TSGA10: variants seen among roughly 807,000 people sequenced by gnomAD.
The protein encoded by TSGA10 is testis-specific gene 10 protein.
Under a neutral mutation model 96.6 loss-of-function variants are expected in TSGA10, and 43 were observed. The observed-to-expected ratio is 0.44, with a 90% CI of 0.35 to 0.57. The LOEUF is 0.57. Among genes scored for constraint, TSGA10 ranks in the 20% least tolerant of loss-of-function variants. The probability of loss-of-function intolerance (pLI) is 0.01; values close to 1 mark genes in which losing one functional copy is unlikely to be tolerated. For missense variants in TSGA10, 703 were observed against 834.4 expected (o/e 0.84, Z 1.94); for synonymous variants, 229 against 269.9 (o/e 0.85, Z 1.48).
chr2:99,141,601 GT>G (rs2105110115), intron 1 of TSGA10: 1 of 153,188 alleles, frequency 6.5e-6, no homozygotes, highest in East Asian at 1.9e-4. Context: ...CGAGCCGAGC[GT>G]CCCGTCTCCT....
chr2:99,143,662 C>T (rs993705665), intron 1 of TSGA10, among the ~76,000 whole-genome samples: 1 of 151,788 alleles, frequency 6.6e-6, no homozygotes, highest in South Asian at 2.1e-4. Context: ...TGTAGAGATG[C>T]GGTTTCACCA....
At chr2:99,026,621 C>T (rs2080597614) in intron 17 of TSGA10, among the ~76,000 whole-genome samples, 1 of 151,870 alleles carries the variant, frequency 6.6e-6, no homozygotes, top group African/African-American at 2.4e-5. Flanking sequence ...GACAGGGTTT[C>T]ACCGTGTTAG....
intron 7 of TSGA10, among the ~76,000 whole-genome samples, chr2:99,106,553 TA>T (rs34383742): frequency 0.58 from 85,796 of 147,600 alleles, 25,480 homozygotes; most frequent in East Asian, 0.87. Flanking sequence ...TGCGACACAT[TA>T]AAAAAAAAAA....
chr2:99,085,728 A>G (rs778272838), intron 10 of TSGA10, among the ~76,000 whole-genome samples: 10 of 149,984 alleles, frequency 6.7e-5, no homozygotes, highest in Non-Finnish European at 1.3e-4. Context: ...AAAGTTACAA[A>G]TAACAGTTAT....
intron 15 of TSGA10, 23 bp from the exon 16 acceptor site, chr2:99,065,147 T>A: frequency 1.2e-6 from 2 of 1,604,444 alleles, no homozygotes; most frequent in Non-Finnish European, 1.7e-6. Context: ...CTTTAGCTAT[T>A]ACTTTAAAAT....
At chr2:99,006,668 G>A (rs1403216515) in intron 20 of TSGA10, among the ~76,000 whole-genome samples, 1 of 152,192 alleles carries the variant, frequency 6.6e-6, no homozygotes, top group Non-Finnish European at 1.5e-5. Context: ...AGGATGTGGA[G>A]AAATAGGAAC....
intron 4 of TSGA10, among the ~76,000 whole-genome samples, chr2:99,114,312 T>C (rs893768441): frequency 3.3e-5 from 5 of 152,212 alleles, no homozygotes; most frequent in Admixed American, 1.3e-4. Context: ...CTTAGGATGA[T>C]GACAACACAC....
chr2:99,093,603 A>G (rs894743441), intron 10 of TSGA10, among the ~76,000 whole-genome samples: 2 of 152,056 alleles, frequency 1.3e-5, no homozygotes, highest in African/African-American at 4.8e-5. Context: ...CTATACACCA[A>G]CAGCAATCAT....
chr2:99,135,809 G>C (rs2093298809), intron 1 of TSGA10, among the ~76,000 whole-genome samples: 2 of 152,136 alleles, frequency 1.3e-5, no homozygotes, highest in Admixed American at 1.3e-4. Context: ...AGGAGTTTGA[G>C]ACCCACCTGG....
intron 10 of TSGA10, among the ~76,000 whole-genome samples, chr2:99,097,094 G>A (rs1405100814): frequency 6.6e-6 from 1 of 152,064 alleles, no homozygotes; most frequent in East Asian, 1.9e-4. Flanking sequence ...AGGAGAATAA[G>A]GAAACTATCT....
intron 10 of TSGA10, among the ~76,000 whole-genome samples, chr2:99,099,380 T>C (rs557766377): frequency 1.3e-5 from 2 of 152,262 alleles, no homozygotes; most frequent in South Asian, 4.1e-4. Context: ...ATTACAAAAA[T>C]AGATGTAAAT....
chr2:99,122,911 G>A (rs931966607), intron 2 of TSGA10, among the ~76,000 whole-genome samples: 1 of 152,112 alleles, frequency 6.6e-6, no homozygotes, highest in African/African-American at 2.4e-5. Context: ...TCTGGTTAGA[G>A]AAATACTTTT....
chr2:99,007,040 T>C (rs888790625), intron 20 of TSGA10, among the ~76,000 whole-genome samples: 1 of 151,290 alleles, frequency 6.6e-6, no homozygotes, highest in African/African-American at 2.4e-5. Flanking sequence ...ACTATCACAA[T>C]GACAGAAAAC....
intron 16 of TSGA10, among the ~76,000 whole-genome samples, chr2:99,056,213 A>C (rs2083974935): frequency 6.6e-6 from 1 of 152,152 alleles, no homozygotes; most frequent in Non-Finnish European, 1.5e-5. Context: ...TCAAAAAAAA[A>C]AAGAAAATAA....
At chr2:99,070,036 TCCAC>T (rs1294349708) in intron 14 of TSGA10, among the ~76,000 whole-genome samples, 4 of 152,160 alleles carry the variant, frequency 2.6e-5, no homozygotes, top group African/African-American at 7.2e-5. Flanking sequence ...TAACCTGTGG[TCCAC>T]AGAGAGAGAC....
At chr2:99,013,772 T>G (rs1265846897) in intron 20 of TSGA10, among the ~76,000 whole-genome samples, 1 of 151,762 alleles carries the variant, frequency 6.6e-6, no homozygotes, top group African/African-American at 2.4e-5. Flanking sequence ...TCCCAGCATT[T>G]TGGGAGGCGA....
intron 1 of TSGA10, among the ~76,000 whole-genome samples, chr2:99,129,572 A>G (rs985785533): frequency 1.3e-5 from 2 of 152,124 alleles, no homozygotes; most frequent in African/African-American, 2.4e-5. Flanking sequence ...TTTGGGGGCA[A>G]TATCACTAGA....
chr2:99,088,363 ATAAAT>A (rs1270917367), intron 10 of TSGA10, among the ~76,000 whole-genome samples: 2 of 152,234 alleles, frequency 1.3e-5, no homozygotes, highest in African/African-American at 2.4e-5. Flanking sequence ...CACCTAATTT[ATAAAT>A]TAAATATTAT....
intron 14 of TSGA10, among the ~76,000 whole-genome samples, chr2:99,070,427 T>G (rs938846614): frequency 6.6e-6 from 1 of 152,082 alleles, no homozygotes; most frequent in African/African-American, 2.4e-5. Context: ...ATAGGTGATT[T>G]TATCCCACTA....
Sources: allele counts gnomAD v4.1 joint callset (sites outside exome capture counted in the v4.1 genomes callset), GRCh38; gene constraint gnomAD v4.1.1; transcripts MANE v1.5; gene names NCBI Gene and HGNC (gene_info 2026-07-23, HGNC 2026-07-21).